The following DMXL2 variants were observed in gnomAD, a reference collection of about 807,000 sequenced individuals.
DMXL2 encodes Dmx like 2.
In DMXL2, 103 loss-of-function variants were observed where a neutral mutation model predicts 331.1. The ratio of observed to expected loss-of-function variants is 0.31; its 90% CI spans 0.27 to 0.37. The LOEUF (loss-of-function observed/expected upper bound fraction) is 0.37, where lower values mean the gene tolerates loss of function less well. Ranked by LOEUF, DMXL2 falls within the 10% of genes least tolerant of loss-of-function variation. The pLI, the probability that DMXL2 is intolerant of heterozygous loss-of-function variation, is 1.00. For synonymous variants in DMXL2, 1,281 were observed against 1,252.1 expected, an observed-to-expected ratio of 1.02 and a Z score of -0.49; for missense variants, 3,171 against 3,642.9, an observed-to-expected ratio of 0.87 and a Z score of 3.33.
intron 37 of DMXL2, among the ~76,000 whole-genome samples, chr15:51,456,877 A>G (rs1432096301): frequency 6.6e-6 from 1 of 152,206 alleles, no homozygotes; most frequent in Non-Finnish European, 1.5e-5. Flanking sequence ...TCTGACACTA[A>G]GAAAGTCATA....
At chr15:51,459,214 T>G in intron 34 of DMXL2, 1 of 192,154 alleles carries the variant, frequency 5.2e-6, no homozygotes, top group Non-Finnish European at 1.1e-5. Flanking sequence ...GTAAGGGTGG[T>G]GAGACAGAAA....
chr15:51,524,729 C>T (rs1232462039), intron 13 of DMXL2, among the ~76,000 whole-genome samples: 4 of 152,122 alleles, frequency 2.6e-5, no homozygotes, highest in African/African-American at 9.7e-5. Context: ...ATCGCTGATC[C>T]TATCTGTCTG....
intron 19 of DMXL2, among the ~76,000 whole-genome samples, chr15:51,493,328 C>A (rs2042937008): frequency 6.6e-6 from 1 of 151,828 alleles, no homozygotes; most frequent in South Asian, 2.1e-4. Context: ...ATTCTATATC[C>A]TTAAATTAAT....
At chr15:51,593,173 T>A (rs995515015) in intron 1 of DMXL2, among the ~76,000 whole-genome samples, 1 of 152,058 alleles carries the variant, frequency 6.6e-6, no homozygotes, top group Non-Finnish European at 1.5e-5. Flanking sequence ...GAAACCCATC[T>A]CACGTGCAGA....
chr15:51,574,596 C>T (rs2050892082), intron 2 of DMXL2, among the ~76,000 whole-genome samples: 1 of 152,158 alleles, frequency 6.6e-6, no homozygotes, highest in African/African-American at 2.4e-5. Flanking sequence ...TTCCATTCAA[C>T]ATGTCAATCA....
chr15:51,480,375 TTCAG>T lies in DMXL2; in HGVS notation c.6564+163_6564+166del, dbSNP rs1158671960. On this transcript the variant is annotated intron_variant, in intron 24 of 43. Transcript: ENST00000560891. ...TAAGCCTACTCCTTATTATCAAAACTTCAGTCTAAGACACATAGAGTATAAATAT... is the reference window on the plus strand; with the variant it reads ...TAAGCCTACTCCTTATTATCAAAACTTCTAAGACACATAGAGTATAAATAT... 3.9e-5 allele frequency among the ~76,000 whole-genome samples: 6 copies of T among 152,156 alleles called. 1 individual carries two copies. Among genetic ancestry groups the T allele is most frequent in the Admixed American group, 3.9e-4 (6 of 15,270 alleles).
At position 51,491,485 on chromosome 15, in the gene DMXL2, T is replaced by C. The variant is rs1372621204; in HGVS notation, c.4953+93A>G. 2.3e-6 allele frequency: 3 copies of C among 1,296,820 alleles called. No individual in the cohort carries two copies. The African/African-American group carries it at 4.6e-5, about 20-fold the overall frequency. 80.3% of individuals were successfully genotyped at this position (1,296,820 alleles called of 1,614,324 possible). On this transcript the variant is annotated intron_variant, in intron 20 of 43. Coordinates refer to ENST00000560891, the MANE Select transcript of DMXL2 (RefSeq NM_001378457.1). The stretch of plus-strand genomic sequence containing the variant: ...CAAGACCTCAAGATAGACAAACAAA[T>C]TTCCCACTACAGGTTTTCTGGGAGA...
At chr15:51,487,295 T>C (rs1422870177) in intron 22 of DMXL2, among the ~76,000 whole-genome samples, 1 of 152,214 alleles carries the variant, frequency 6.6e-6, no homozygotes, top group African/African-American at 2.4e-5. Flanking sequence ...AACAGCTTAA[T>C]GTATCTGCCT....
rs1729913880 is a variant in DMXL2, at chr15:51,506,741, C to T, written c.2764+393G>A. ...GTGCTGGGATTACAGGCGTGAGCCA[C>T]CGCGCCCAGCCAATTCTGCTTATTT... is the stretch of plus-strand genomic sequence containing the variant. On this transcript the variant is annotated intron_variant, in intron 16 of 43. Transcript: ENST00000560891. Among the ~76,000 whole-genome samples the T allele has an allele frequency of 2.0e-5, 3 of 152,164 alleles. No homozygotes were observed. In the South Asian group the frequency reaches 6.2e-4, roughly 32 times the overall value.
intron 2 of DMXL2, among the ~76,000 whole-genome samples, chr15:51,572,243 T>C (rs139610549): frequency 0.14 from 11,143 of 78,380 alleles, 1,108 homozygotes; most frequent in Non-Finnish European, 0.18. Flanking sequence ...AGGAAGAAGT[T>C]GAATCCCTGA....
intron 23 of DMXL2, among the ~76,000 whole-genome samples, chr15:51,482,723 G>A (rs1410099205): frequency 1.3e-5 from 2 of 152,158 alleles, no homozygotes; most frequent in Non-Finnish European, 2.9e-5. Flanking sequence ...AATAATGCCA[G>A]AAGAATTCAG....
At chr15:51,550,542 T>C (rs1343065257) in intron 6 of DMXL2, among the ~76,000 whole-genome samples, 1 of 152,160 alleles carries the variant, frequency 6.6e-6, no homozygotes, top group Non-Finnish European at 1.5e-5. Flanking sequence ...TTTTAAAATA[T>C]ACACTATTCT....
chr15:51,448,263 G>C lies in DMXL2; in HGVS notation c.*721C>G, dbSNP rs2038848820. 6.5e-6 allele frequency: 1 copy of C among 152,722 alleles called. No homozygotes were observed. The highest frequency in any genetic ancestry group is 1.5e-5 in the Non-Finnish European group (1 of 68,112). The allele number at this position is 152,722 out of a possible 1,614,324, so 9.5% of individuals were successfully genotyped here. A position where few individuals can be genotyped will look rare whatever the true frequency, so the allele number is the denominator to read the frequency against. ...GTACTAAACTGGACTAAGAAGGTGT[G>C]TTTGGTTAACTACAAATATGTCATG... On this transcript the variant is annotated 3_prime_UTR_variant, in exon 44 of 44. Transcript: ENST00000560891.
intron 27 of DMXL2, among the ~76,000 whole-genome samples, chr15:51,475,325 T>G (rs1160283198): frequency 6.6e-6 from 1 of 151,820 alleles, no homozygotes; most frequent in Admixed American, 6.6e-5. Context: ...AACCCTGTCT[T>G]TACTAAAAAT....
At position 51,466,226 on chromosome 15, in the gene DMXL2, G is replaced by GA; in HGVS notation, c.7477dup (p.Ser2493PhefsTer15). On this transcript the variant is annotated frameshift_variant, in exon 30 of 44. Coordinates refer to ENST00000560891, the MANE Select transcript of DMXL2 (RefSeq NM_001378457.1). LOFTEE classifies it high-confidence loss of function. The stretch of plus-strand genomic sequence containing the variant: ...TTGGTGCTCCTGTATTTGTGTATCT[G>GA]AAAAAAAGGCATCATCTTCTTCATC... The GA allele has an allele frequency of 3.2e-6, 5 of 1,576,960 alleles. No individual in the cohort carries two copies. Among genetic ancestry groups the GA allele is most frequent in the Admixed American group, 3.8e-5 (2 of 52,706 alleles).
intron 30 of DMXL2, 127 bp from the exon 31 acceptor site, chr15:51,465,778 C>G (rs549179246): frequency 1.4e-6 from 1 of 697,450 alleles, no homozygotes; most frequent in South Asian, 2.1e-5. Context: ...TTGAAATTTA[C>G]TATGCAAAAA....
chr15:51,451,596 GTAT>G (rs1231921980), intron 42 of DMXL2, 46 bp downstream of exon 42: 2 of 1,407,594 alleles, frequency 1.4e-6, no homozygotes, highest in East Asian at 2.3e-5. Context: ...CCTTCATGGT[GTAT>G]TATTCCTTCA....
intron 1 of DMXL2, among the ~76,000 whole-genome samples, chr15:51,620,617 T>A (rs2054565234): frequency 6.6e-6 from 1 of 152,180 alleles, no homozygotes; most frequent in South Asian, 2.1e-4. Flanking sequence ...AGCAGCGGTG[T>A]GGAGGATGAA....
intron 43 of DMXL2, among the ~76,000 whole-genome samples, chr15:51,449,806 G>A (rs534349554): frequency 3.3e-5 from 5 of 152,082 alleles, no homozygotes; most frequent in Non-Finnish European, 7.4e-5. Context: ...GAGTACTGAG[G>A]GAGAGGGGAG....
Sources: allele counts gnomAD v4.1 joint callset (sites outside exome capture counted in the v4.1 genomes callset), GRCh38; gene constraint gnomAD v4.1.1; transcripts MANE v1.5; gene names NCBI Gene and HGNC (gene_info 2026-07-23, HGNC 2026-07-21).